HELLS: variants seen among roughly 807,000 people sequenced by gnomAD.
HELLS encodes the protein lymphoid-specific helicase.
HELLS carries 32 observed loss-of-function variants against 120.0 expected under a neutral mutation model. The ratio of observed to expected loss-of-function variants is 0.27; its 90% CI spans 0.20 to 0.36. HELLS has a LOEUF of 0.36. Ranked by LOEUF, HELLS falls within the 10% of genes least tolerant of loss-of-function variation. HELLS has a pLI of 1.00. For synonymous variants in HELLS, 341 were observed against 323.4 expected (o/e 1.05, Z -0.58); for missense variants, 650 against 993.4 (o/e 0.65, Z 4.65).
At chr10:94,580,117 GTATATATATA>G (rs58984411) in intron 10 of HELLS, among the ~76,000 whole-genome samples, 2,278 of 65,372 alleles carry the variant, frequency 0.035, 66 homozygotes, top group Admixed American at 0.069. Context: ...CATTATAAAA[GTATATATATA>G]TATATATATA....
At chr10:94,604,649 A>G (rs1419509295), downstream of HELLS, among the ~76,000 whole-genome samples, 1 of 152,202 alleles carries the variant, frequency 6.6e-6, no homozygotes, top group Non-Finnish European at 1.5e-5. Flanking sequence ...ACATGAAATA[A>G]TGATCCCTTA....
chr10:94,553,793 C>G (rs1843105280), intron 2 of HELLS, among the ~76,000 whole-genome samples: 1 of 152,198 alleles, frequency 6.6e-6, no homozygotes, highest in Non-Finnish European at 1.5e-5. Flanking sequence ...GGTGATCCGC[C>G]TGCTTTGGCC....
chr10:94,583,944 G>T, intron 12 of HELLS: 1 of 498,570 alleles, frequency 2.0e-6, no homozygotes, highest in South Asian at 3.3e-5. Flanking sequence ...TGTAGTATCT[G>T]TATTTAAAAC....
downstream of HELLS, among the ~76,000 whole-genome samples, chr10:94,603,585 G>A (rs1450718400): frequency 1.3e-5 from 2 of 152,144 alleles, no homozygotes; most frequent in Admixed American, 6.5e-5. Context: ...TCTCCAGCCA[G>A]AACCTTTCTC....
chr10:94,579,233 C>G (rs1429905242), intron 10 of HELLS, among the ~76,000 whole-genome samples: 1 of 135,110 alleles, frequency 7.4e-6, no homozygotes, highest in Admixed American at 7.8e-5. Flanking sequence ...CAGAGTCTTG[C>G]TCTGTTGCCC....
At chr10:94,592,193 TTC>T in intron 15 of HELLS, 34 bp from the exon 16 acceptor site, 8 of 1,457,174 alleles carry the variant, frequency 5.5e-6, no homozygotes, top group Non-Finnish European at 7.6e-6. Flanking sequence ...AATAACAGTT[TTC>T]TCTCTATTTT....
chr10:94,594,135 A>G (rs1845633852), intron 18 of HELLS, among the ~76,000 whole-genome samples: 1 of 151,862 alleles, frequency 6.6e-6, no homozygotes, highest in African/African-American at 2.4e-5. Flanking sequence ...AAAGATACCC[A>G]TTTTCAGCTA....
intron 8 of HELLS, among the ~76,000 whole-genome samples, chr10:94,607,363 T>C (rs1336067658): frequency 4.6e-5 from 7 of 152,230 alleles, no homozygotes; most frequent in Admixed American, 4.6e-4. Flanking sequence ...TCTATTTTAT[T>C]GTCTGGGGGT....
intron 12 of HELLS, among the ~76,000 whole-genome samples, chr10:94,584,357 T>C (rs571047432): frequency 1.3e-5 from 2 of 152,252 alleles, no homozygotes; most frequent in East Asian, 1.9e-4. Context: ...TGTGTGTTCA[T>C]GTGCACAAGC....
chr10:94,558,226 T>A (rs1589708733), intron 4 of HELLS, 31 bp downstream of exon 4: 4 of 1,534,046 alleles, frequency 2.6e-6, no homozygotes, highest in Non-Finnish European at 2.6e-6. Flanking sequence ...ATTTTTTATG[T>A]CATTTAAATA....
At chr10:94,605,464 CA>C (rs1295227647), downstream of HELLS, among the ~76,000 whole-genome samples, 2 of 152,010 alleles carry the variant, frequency 1.3e-5, no homozygotes, top group Non-Finnish European at 2.9e-5. Flanking sequence ...GAAAAGAATT[CA>C]AGGGAAATGA....
At chr10:94,554,487 A>G (rs1458074532) in intron 3 of HELLS, among the ~76,000 whole-genome samples, 1 of 152,116 alleles carries the variant, frequency 6.6e-6, no homozygotes, top group Admixed American at 6.5e-5. Context: ...TCCAGCAACT[A>G]CTGATTTGCT....
intron 10 of HELLS, among the ~76,000 whole-genome samples, chr10:94,580,926 C>A (rs1485710450): frequency 6.6e-6 from 1 of 152,102 alleles, no homozygotes; most frequent in African/African-American, 2.4e-5. Flanking sequence ...AGGGAAAATT[C>A]TAGTGCTATT....
At chr10:94,578,626 G>A (rs1006468497) in intron 10 of HELLS, among the ~76,000 whole-genome samples, 8 of 152,102 alleles carry the variant, frequency 5.3e-5, no homozygotes, top group African/African-American at 1.7e-4. Flanking sequence ...CCCGGGAGGC[G>A]GATGTTGCAG....
chr10:94,549,095 A>G (rs1396971932), intron 2 of HELLS, among the ~76,000 whole-genome samples: 1 of 152,156 alleles, frequency 6.6e-6, no homozygotes, highest in Non-Finnish European at 1.5e-5. Flanking sequence ...TTATGTACAG[A>G]TAAGGAAAGT....
chr10:94,602,146 A>G (rs1251534195), downstream of HELLS: 1 of 152,370 alleles, frequency 6.6e-6, no homozygotes, highest in Non-Finnish European at 1.5e-5. Flanking sequence ...CAATAATAGC[A>G]AAAGACTTGG....
At chr10:94,577,847 G>A (rs1844581489) in intron 10 of HELLS, among the ~76,000 whole-genome samples, 1 of 151,906 alleles carries the variant, frequency 6.6e-6, no homozygotes, top group African/African-American at 2.4e-5. Context: ...GGATCATGAG[G>A]TCAGGATATC....
intron 9 of HELLS, among the ~76,000 whole-genome samples, chr10:94,576,099 G>A (rs929184781): frequency 7.9e-5 from 12 of 151,920 alleles, no homozygotes; most frequent in East Asian, 1.9e-4. Context: ...CACCTGGCCC[G>A]TCTATTTGTT....
chr10:94,578,837 C>T (rs1844655151), intron 10 of HELLS, among the ~76,000 whole-genome samples: 1 of 152,028 alleles, frequency 6.6e-6, no homozygotes, highest in South Asian at 2.1e-4. Context: ...AACCCAGATC[C>T]CTTGGATGTG....
Sources: gnomAD v4.1 joint callset for allele counts (sites outside exome capture counted in the v4.1 genomes callset) on GRCh38, gnomAD v4.1.1 for gene constraint, MANE v1.5 for transcripts, NCBI Gene and HGNC (gene_info 2026-07-23, HGNC 2026-07-21) for gene names.